Variants in NCOA3 observed in about 807,000 individuals in gnomAD.
NCOA3 encodes the protein CBP-interacting protein.
A neutral mutation model predicts 158.8 loss-of-function variants in NCOA3; 51 were observed. That is an observed-to-expected ratio of 0.32 (90% CI 0.26 to 0.41). The LOEUF (loss-of-function observed/expected upper bound fraction) is 0.41. NCOA3 is among the 10% of genes least tolerant of loss of function. The pLI, the probability that NCOA3 is intolerant of heterozygous loss-of-function variation, is 1.00. For missense variants in NCOA3, 1,510 were observed against 1,746.6 expected, an observed-to-expected ratio of 0.86 and a Z score of 2.41; for synonymous variants, 537 against 592.4, an observed-to-expected ratio of 0.91 and a Z score of 1.36.
intron 2 of NCOA3, among the ~76,000 whole-genome samples, chr20:47,599,387 G>T (rs2085820181): frequency 6.6e-6 from 1 of 151,800 alleles, no homozygotes; most frequent in South Asian, 2.1e-4. Flanking sequence ...GGTTGAGGGG[G>T]TGGGAATGGG....
intron 2 of NCOA3, among the ~76,000 whole-genome samples, chr20:47,587,120 C>G (rs2085548198): frequency 6.6e-6 from 1 of 152,142 alleles, no homozygotes; most frequent in Non-Finnish European, 1.5e-5. Context: ...TCCAGCATTC[C>G]TTTCCCATTA....
intron 1 of NCOA3, among the ~76,000 whole-genome samples, chr20:47,509,082 T>G (rs1018170698): frequency 6.6e-6 from 1 of 152,210 alleles, no homozygotes; most frequent in Non-Finnish European, 1.5e-5. Flanking sequence ...TGAAGTTAGA[T>G]GCAGCTTTCA....
At chr20:47,551,783 G>T (rs2084931059) in intron 1 of NCOA3, among the ~76,000 whole-genome samples, 1 of 152,152 alleles carries the variant, frequency 6.6e-6, no homozygotes, top group Admixed American at 6.5e-5. Context: ...GGGAAAAGAA[G>T]AATTTTTATA....
intron 2 of NCOA3, among the ~76,000 whole-genome samples, chr20:47,600,814 CAAAA>C (rs376125255): frequency 1.4e-5 from 1 of 73,048 alleles, no homozygotes; most frequent in Non-Finnish European, 2.7e-5. Flanking sequence ...CTGTCCCTGG[CAAAA>C]AAAAAAAAAA....
In NCOA3 at chr20:47,647,379, G is replaced by A. The variant is rs759947550; in HGVS notation, c.3546+13G>A. The stretch of plus-strand genomic sequence containing the variant: ...GCAGGGCCAGCAGGTAACCAGTCAT[G>A]TGTTCTTCCCTCTGGCTTCTCCTTC... On this transcript the variant is annotated intron_variant, in intron 18 of 22. Transcript: ENST00000371998. 37 of 1,610,588 alleles carry A rather than the reference G, an allele frequency of 2.3e-5. 1 individual carries two copies. The South Asian group carries it at 3.8e-4, about 16-fold the overall frequency.
At position 47,557,133 on chromosome 20, in the gene NCOA3, G is replaced by A. The variant is rs183736563; in HGVS notation, c.-98-26050G>A. Among the ~76,000 whole-genome samples, 65 of 152,232 alleles carry A rather than the reference G, an allele frequency of 4.3e-4. 1 individual carries two copies. The highest frequency in any genetic ancestry group is 1.3e-4 in the Admixed American group (2 of 15,284). ...ACTCCTGCAGAAATTTCCATAGAAC[G>A]GATTCCTGAAAGTCAAATTTTTTGG... is the stretch of plus-strand genomic sequence containing the variant. On this transcript the variant is annotated intron_variant, in intron 1 of 22. Transcript: ENST00000371998.
At chr20:47,601,062 T>A (rs2146260130) in intron 2 of NCOA3, among the ~76,000 whole-genome samples, 1 of 152,304 alleles carries the variant, frequency 6.6e-6, no homozygotes, top group African/African-American at 2.4e-5. Flanking sequence ...AGGTAGTTTA[T>A]AAAAGAAAGG....
chr20:47,621,184 A>G (rs899598575), intron 2 of NCOA3, among the ~76,000 whole-genome samples: 3 of 152,132 alleles, frequency 2.0e-5, no homozygotes, highest in African/African-American at 4.8e-5. Context: ...TGTAAAGACA[A>G]TGTTGCAATC....
intron 16 of NCOA3, among the ~76,000 whole-genome samples, chr20:47,640,259 G>C (rs1285166440): frequency 6.6e-6 from 1 of 152,172 alleles, no homozygotes; most frequent in Non-Finnish European, 1.5e-5. Flanking sequence ...AGAGGGAGGA[G>C]ATACAACCAT....
chr20:47,589,708 T>C (rs149550348), intron 2 of NCOA3, among the ~76,000 whole-genome samples: 3 of 152,102 alleles, frequency 2.0e-5, no homozygotes, highest in African/African-American at 7.2e-5. Context: ...TTATTTGTTC[T>C]TTTATCCTGA....
chr20:47,589,945 A>ATTTTTTTTATTTTTATTTTTTTTTTTTT (rs1568707770), intron 2 of NCOA3, among the ~76,000 whole-genome samples: 2 of 134,458 alleles, frequency 1.5e-5, no homozygotes, highest in Non-Finnish European at 3.5e-5. Context: ...TTTTAAAAAA[A>ATTTTTTTTATTTTTATTTTTTTTTTTTT]TTTTTTAATT....
intron 1 of NCOA3, among the ~76,000 whole-genome samples, chr20:47,526,976 A>G (rs2084465730): frequency 6.6e-6 from 1 of 152,162 alleles, no homozygotes; most frequent in Non-Finnish European, 1.5e-5. Flanking sequence ...TATAAATAGT[A>G]TTGGATTTTA....
At chr20:47,594,664 CAAAAAAAAAA>C (rs377014290) in intron 2 of NCOA3, among the ~76,000 whole-genome samples, 39 of 72,938 alleles carry the variant, frequency 5.3e-4, no homozygotes, top group East Asian at 3.4e-3. Context: ...GACTCTGTCT[CAAAAAAAAAA>C]AAAAAAAAAA....
chr20:47,563,717 T>A (rs575077575), intron 1 of NCOA3, among the ~76,000 whole-genome samples: 1 of 151,532 alleles, frequency 6.6e-6, no homozygotes, highest in South Asian at 2.1e-4. Context: ...TGAAATGCCA[T>A]CTCTACTAAA....
chr20:47,557,558 A>T (rs2085026242), intron 1 of NCOA3, among the ~76,000 whole-genome samples: 1 of 152,174 alleles, frequency 6.6e-6, no homozygotes, highest in Non-Finnish European at 1.5e-5. Context: ...TATTGAGAGG[A>T]CCATCTGTAA....
intron 5 of NCOA3, among the ~76,000 whole-genome samples, chr20:47,626,315 A>G (rs998171786): frequency 6.6e-6 from 1 of 152,256 alleles, no homozygotes; most frequent in Non-Finnish European, 1.5e-5. Flanking sequence ...ATTAAGGAAT[A>G]GTAGAGCAGT....
intron 1 of NCOA3, among the ~76,000 whole-genome samples, chr20:47,568,595 A>G (rs1366416666): frequency 6.6e-6 from 1 of 152,168 alleles, no homozygotes; most frequent in Non-Finnish European, 1.5e-5. Context: ...CCATGAGACC[A>G]GCGTGGGCAA....
chr20:47,575,986 T>C (rs1427467661), intron 1 of NCOA3, among the ~76,000 whole-genome samples: 1 of 152,212 alleles, frequency 6.6e-6, no homozygotes, highest in Non-Finnish European at 1.5e-5. Flanking sequence ...GTTGAAAATA[T>C]TATTTAATGG....
At position 47,651,105 on chromosome 20, in the gene NCOA3, C is replaced by G; in HGVS notation, c.3775C>G (p.Gln1259Glu). The G allele has an allele frequency of 1.2e-6, 2 of 1,608,828 alleles. No individual in the cohort carries two copies. Among genetic ancestry groups the G allele is most frequent in the Non-Finnish European group, 1.7e-6 (2 of 1,177,884 alleles). Residue 1259 changes from glutamine to glutamate, a missense_variant, in exon 20 of 23, where the codon CAG becomes GAG. By Grantham distance (29) the Gln-to-Glu change is conservative (BLOSUM62 2). Around this residue, in one of 4 missense-constraint regions of NCOA3, gnomAD observed 4 missense variants for 21.9 expected, o/e 0.18. Transcript: ENST00000371998. Reference sequence around the variant, plus strand: ...GCAGCAGCAGCAACAGCAGCAGCAGCAGCAGCAGCAGCAGCAACAGCAACA... The same window carrying G: ...GCAGCAGCAGCAACAGCAGCAGCAGGAGCAGCAGCAGCAGCAACAGCAACA... ...QQQQQQQQQQ[Q>E]QQQQQQQQQQ...
Sources: allele counts gnomAD v4.1 joint callset (sites outside exome capture counted in the v4.1 genomes callset), GRCh38; gene constraint gnomAD v4.1.1; regional missense constraint gnomAD v4.1.1; transcripts MANE v1.5; gene names NCBI Gene and HGNC (gene_info 2026-07-23, HGNC 2026-07-21).